Variants in GPRIN2 observed in about 807,000 individuals in gnomAD.
GPRIN2 encodes the protein G protein-regulated inducer of neurite outgrowth 2.
GPRIN2 carries 1 observed loss-of-function variant against 0.3 expected under a neutral mutation model. The observed-to-expected ratio is 3.90, with a 90% confidence interval of 1.39 to 18.51. The LOEUF is 18.51. Ranked by LOEUF, GPRIN2 falls within the 30% of genes most tolerant of loss-of-function variation. The probability of loss-of-function intolerance (pLI) is 0.11; values close to 1 mark genes in which losing one functional copy is unlikely to be tolerated. For missense variants in GPRIN2, 880 were observed against 604.2 expected (o/e 1.46, Z -4.79); for synonymous variants, 361 against 258.6 (o/e 1.40, Z -3.80).
At chr10:46,555,180 T>G (rs1480851456) in intron 1 of GPRIN2, among the ~76,000 whole-genome samples, 1 of 152,306 alleles carries the variant, frequency 6.6e-6, no homozygotes, top group African/African-American at 2.4e-5. Flanking sequence ...CTCCTGACCT[T>G]AGGTGATCCA....
At position 46,549,801 on chromosome 10, in the gene GPRIN2, A is replaced by T. The variant is rs1776903022; in HGVS notation, c.936T>A (p.Asp312Glu). ...LVPEPGSRTK[D>E]VWTMTSANDL... ...CATTGGCTGAGGTCATGGTCCACAC[A>T]TCTTTGGTCCTAGAGCCAGGCTCTG... The change falls in exon 3 of 3, where the codon GAT becomes GAA. Residue 312 changes from aspartate to glutamate, a missense_variant. By Grantham distance (45) the Asp-to-Glu change is conservative. Coordinates refer to ENST00000374314, the MANE Select transcript of GPRIN2 (RefSeq NM_001385282.1). 17 of 1,614,070 alleles carry T rather than the reference A, an allele frequency of 1.1e-5. No homozygotes were observed. The highest frequency in any genetic ancestry group is 1.7e-6 in the Non-Finnish European group (2 of 1,180,066).
rs1832716998 is a variant in GPRIN2 at position 46,549,444 on chromosome 10, C to T, written c.1293G>A (p.Glu431=). 6.2e-7 allele frequency: 1 copy of T among 1,605,816 alleles called. No homozygotes were observed. The highest frequency in any genetic ancestry group is 8.5e-7 in the Non-Finnish European group (1 of 1,175,660). The change falls in exon 3 of 3, where the codon GAG becomes GAA. Residue 431 remains glutamate (E), a synonymous_variant. Coordinates refer to ENST00000374314, the MANE Select transcript of GPRIN2 (RefSeq NM_001385282.1). The part of the protein sequence containing the change: ...APASEDSLSV[E]GRRGPLRAVM... ...CAGCCCGCAGTGGCCCCCTCCGGCC[C>T]TCCACAGACAGGCTGTCCTCGCTGG... is the stretch of plus-strand genomic sequence containing the variant.
At chr10:46,555,865 G>GT (rs1187806004) in intron 1 of GPRIN2, among the ~76,000 whole-genome samples, 1 of 152,312 alleles carries the variant, frequency 6.6e-6, no homozygotes, top group Non-Finnish European at 1.5e-5. Context: ...CCCGTATGCA[G>GT]TAACAGCGTC....
At position 46,550,516 on chromosome 10, in the gene GPRIN2, G is replaced by A. The variant is rs1832342651; in HGVS notation, c.221C>T (p.Pro74Leu). The part of the protein sequence containing the change: ...EEGNPPESMK[P>L]ARASGPKARP... The stretch of plus-strand genomic sequence containing the variant: ...CGCCTTGGGGCCAGAGGCCCGTGCT[G>A]GCTTCATGCTCTCAGGCGGGTTCCC... The change falls in exon 3 of 3, where the codon CCA (proline) becomes CTA (leucine). Residue 74 changes from proline (P) to leucine (L), a missense_variant. Transcript: ENST00000374314. The A allele has an allele frequency of 1.9e-6, 3 of 1,602,428 alleles. No homozygotes were observed. The highest frequency in any genetic ancestry group is 2.7e-5 in the African/African-American group (2 of 74,844).
intron 1 of GPRIN2, among the ~76,000 whole-genome samples, chr10:46,555,811 C>G (rs1843140412): frequency 6.6e-6 from 1 of 152,312 alleles, no homozygotes; most frequent in East Asian, 1.9e-4. Context: ...GTGTCCCTAT[C>G]TGCACGCTCA....
Position 46,548,647 on chromosome 10 carries a change from A to G in GPRIN2, c.*713T>C, listed in dbSNP as rs2131608582. Among the ~76,000 whole-genome samples the G allele has an allele frequency of 2.0e-5, 3 of 152,298 alleles. No individual in the cohort carries two copies. Among genetic ancestry groups the G allele is most frequent in the African/African-American group, 7.2e-5 (3 of 41,484 alleles). ...GGGCAGCCTCTGTCTCATTCACCAC[A>G]GAATCCACAGAACCCAGCACAGAGT... is the stretch of plus-strand genomic sequence containing the variant. On this transcript the variant is annotated 3_prime_UTR_variant, in exon 3 of 3. Coordinates refer to ENST00000374314, the MANE Select transcript of GPRIN2 (RefSeq NM_001385282.1).
upstream of GPRIN2, among the ~76,000 whole-genome samples, chr10:46,557,345 C>G (rs1843356697): frequency 6.6e-6 from 1 of 152,302 alleles, no homozygotes; most frequent in South Asian, 2.1e-4. Context: ...GGCCTGGCCC[C>G]CGGAGCCCTC....
intron 2 of GPRIN2, among the ~76,000 whole-genome samples, chr10:46,553,607 T>C (rs1301996086): frequency 1.3e-5 from 2 of 152,294 alleles, no homozygotes; most frequent in Non-Finnish European, 2.9e-5. Flanking sequence ...CCATGAGCAA[T>C]GAGCATCCCA....
rs1411920979 is a variant in GPRIN2 at position 46,546,227 on chromosome 10, C to T, written c.*3133G>A. 7.2e-5 allele frequency among the ~76,000 whole-genome samples: 11 copies of T among 152,412 alleles called. No homozygotes were observed. The highest frequency in any genetic ancestry group is 2.4e-4 in the African/African-American group (10 of 41,602). ...AGGGATGCGTGTCTTGTGTCCTGGA[C>T]ACAAGACAGGCAGGCCCAGAGGGGA... On this transcript the variant is annotated 3_prime_UTR_variant, in exon 3 of 3. Transcript: ENST00000374314.
intron 2 of GPRIN2, among the ~76,000 whole-genome samples, chr10:46,553,013 C>T (rs1832077848): frequency 2.6e-5 from 4 of 152,422 alleles, no homozygotes; most frequent in East Asian, 1.9e-4. Context: ...CCTGATCACT[C>T]GCCAAGGGCC....
Position 46,550,399 on chromosome 10 carries a change from C to G in GPRIN2, c.338G>C (p.Ser113Thr). 1 of 1,612,000 alleles carries G rather than the reference C, an allele frequency of 6.2e-7. No individual in the cohort carries two copies. The highest frequency in any genetic ancestry group is 8.5e-7 in the Non-Finnish European group (1 of 1,179,670). ...ATGGCTCCTCTGCATAGCAGCAGCA[C>G]TAGGGGCCCGCAGGCGACACAGGTC... ...GSDLCRLRAP[S>T]AAAMQRSHSD... Residue 113 changes from serine (S) to threonine (T), a missense_variant, in exon 3 of 3, where the codon AGT (serine) becomes ACT (threonine). By Grantham distance (58) the Ser-to-Thr change is moderately conservative. Coordinates refer to ENST00000374314, the MANE Select transcript of GPRIN2 (RefSeq NM_001385282.1).
rs1841983346 is a variant in GPRIN2 at position 46,544,431 on chromosome 10, T to C, written c.*4929A>G. Among the ~76,000 whole-genome samples the C allele has an allele frequency of 1.3e-5, 2 of 152,308 alleles. No individual in the cohort carries two copies. The highest frequency in any genetic ancestry group is 6.5e-5 in the Admixed American group (1 of 15,292). ...CTCCACCTCCTGGGCTCAAGCCATC[T>C]TCCCACCTCAACCCCCTGAGTAGCT... On this transcript the variant is annotated 3_prime_UTR_variant, in exon 3 of 3. Coordinates refer to ENST00000374314, the MANE Select transcript of GPRIN2 (RefSeq NM_001385282.1).
intron 1 of GPRIN2, among the ~76,000 whole-genome samples, chr10:46,556,288 C>A (rs1266129407): frequency 6.6e-6 from 1 of 152,312 alleles, no homozygotes; most frequent in Non-Finnish European, 1.5e-5. Flanking sequence ...GCAGAGGAGA[C>A]GTAGAAGAGG....
At position 46,552,182 on chromosome 10, in the gene GPRIN2, G is replaced by A. The variant is rs1435180818; in HGVS notation, c.-6-1440C>T. Among the ~76,000 whole-genome samples, 5 of 152,428 alleles carry A rather than the reference G, an allele frequency of 3.3e-5. No homozygotes were observed. The East Asian group carries it at 7.7e-4, about 23-fold the overall frequency. ...AGGCCTGGAGTGAGAGAAGCAAGAA[G>A]GTGTTCAGGTGGAGAGCGGAGTGGG... On this transcript the variant is annotated intron_variant, in intron 2 of 2. Transcript: ENST00000374314.
Position 46,549,670 on chromosome 10 carries a change from G to T in GPRIN2, c.1067C>A (p.Ala356Glu), listed in dbSNP as rs140588876. ...TGGGAACACATGCAGGGCTGCAGGC[G>T]CTTCCAGGGACGGACTGGTGGCCAC... ...KAVATSPSLEAPAALHVFPEV... is the reference protein window; with the variant it reads ...KAVATSPSLEEPAALHVFPEV... Residue 356 changes from alanine to glutamate, a missense_variant, in exon 3 of 3, where the codon GCG becomes GAG. Physicochemically the swap from Ala to Glu is moderately radical, Grantham distance 107. Coordinates refer to ENST00000374314, the MANE Select transcript of GPRIN2 (RefSeq NM_001385282.1). The T allele has an allele frequency of 1.2e-6, 2 of 1,614,126 alleles. No individual in the cohort carries two copies. The highest frequency in any genetic ancestry group is 2.2e-5 in the South Asian group (2 of 91,092).
chr10:46,553,881 C>G (rs1487171025), intron 2 of GPRIN2, among the ~76,000 whole-genome samples: 1 of 152,306 alleles, frequency 6.6e-6, no homozygotes, highest in Non-Finnish European at 1.5e-5. Context: ...GAGGGGAGTA[C>G]TGGGGGAAAG....
chr10:46,549,305 C>T lies in GPRIN2; in HGVS notation c.*55G>A. 6.9e-7 allele frequency: 1 copy of T among 1,445,546 alleles called. No homozygotes were observed. Among genetic ancestry groups the T allele is most frequent in the East Asian group, 2.5e-5 (1 of 39,334 alleles). 89.5% of individuals were successfully genotyped at this position (1,445,546 alleles called of 1,614,324 possible). Reference sequence around the variant, plus strand: ...GGCACGGAGCCCCCACCGTCCCTGGCCCAGGTCTAGGACTAAGTCAGTGGG... The same window carrying T: ...GGCACGGAGCCCCCACCGTCCCTGGTCCAGGTCTAGGACTAAGTCAGTGGG... On this transcript the variant is annotated 3_prime_UTR_variant, in exon 3 of 3. Coordinates refer to ENST00000374314, the MANE Select transcript of GPRIN2 (RefSeq NM_001385282.1).
chr10:46,549,716 G>A lies in GPRIN2; in HGVS notation c.1021C>T (p.Pro341Ser), dbSNP rs1832617048. The A allele has an allele frequency of 6.2e-7, 1 of 1,614,056 alleles. No homozygotes were observed. Among genetic ancestry groups the A allele is most frequent in the East Asian group, 2.2e-5 (1 of 44,894 alleles). Residue 341 changes from proline to serine, a missense_variant, in exon 3 of 3, where the codon CCA becomes TCA. Coordinates refer to ENST00000374314, the MANE Select transcript of GPRIN2 (RefSeq NM_001385282.1). The stretch of plus-strand genomic sequence containing the variant: ...GCCACAGCCTTGCAGGCCGCCACTG[G>A]GGCCGCCTGCACACCAGCATCCTGG... ...SAQDAGVQAA[P>S]VAACKAVATS...
Position 46,549,279 on chromosome 10 carries a change from G to A in GPRIN2, c.*81C>T. The A allele has an allele frequency of 7.0e-7, 1 of 1,431,758 alleles. No individual in the cohort carries two copies. Among genetic ancestry groups the A allele is most frequent in the Non-Finnish European group, 9.2e-7 (1 of 1,088,104 alleles). The allele number at this position is 1,431,758 out of a possible 1,614,324, so 88.7% of individuals were successfully genotyped here. On this transcript the variant is annotated 3_prime_UTR_variant, in exon 3 of 3. Transcript: ENST00000374314. ...GTGCCCAGCTGCCGGTGGGTCCAGGGGGCACGGAGCCCCCACCGTCCCTGG... is the reference window on the plus strand; with the variant it reads ...GTGCCCAGCTGCCGGTGGGTCCAGGAGGCACGGAGCCCCCACCGTCCCTGG...
Sources: gnomAD v4.1 joint callset for allele counts (sites outside exome capture counted in the v4.1 genomes callset) on GRCh38, gnomAD v4.1.1 for gene constraint, MANE v1.5 for transcripts, NCBI Gene and HGNC (gene_info 2026-07-23, HGNC 2026-07-21) for gene names.